The following VPS13D variants were observed in gnomAD, a reference collection of about 807,000 sequenced individuals.
VPS13D encodes intermembrane lipid transfer protein VPS13D.
VPS13D carries 187 observed loss-of-function variants against 461.9 expected under a neutral mutation model. The observed-to-expected ratio is 0.40, with a 90% CI of 0.36 to 0.46. The LOEUF is 0.46. Ranked by LOEUF, VPS13D falls within the 20% of genes least tolerant of loss-of-function variation. The probability of loss-of-function intolerance (pLI) is 0.60; values close to 1 mark genes in which losing one functional copy is unlikely to be tolerated. For missense variants in VPS13D, 4,711 were observed against 5,364.9 expected (o/e 0.88, Z 3.81); for synonymous variants, 1,951 against 1,986.3 (o/e 0.98, Z 0.47).
chr1:12,308,281 C>G, intron 26 of VPS13D, 150 bp from the exon 27 acceptor site: 2 of 809,234 alleles, frequency 2.5e-6, no homozygotes, highest in East Asian at 2.7e-5. Flanking sequence ...TCCTGGACAG[C>G]CAGTTTTCTG....
intron 60 of VPS13D, among the ~76,000 whole-genome samples, chr1:12,391,731 C>A (rs1236508841): frequency 6.6e-6 from 1 of 152,132 alleles, no homozygotes; most frequent in African/African-American, 2.4e-5. Context: ...TAAATAAAAT[C>A]TTTCATTTGG....
intron 33 of VPS13D, 58 bp downstream of exon 33, chr1:12,322,022 G>A (rs1643051869): frequency 6.3e-7 from 1 of 1,579,332 alleles, no homozygotes; most frequent in Non-Finnish European, 8.6e-7. Context: ...GTCCTATGCA[G>A]GCACTCTTAT....
At chr1:12,478,908 A>G (rs777851084) in intron 67 of VPS13D, 3 of 455,310 alleles carry the variant, frequency 6.6e-6, no homozygotes, top group South Asian at 3.1e-5. Context: ...TGCTCTTGTC[A>G]AGCTTGGGAT....
At chr1:12,463,721 C>CAA (rs202102086) in intron 67 of VPS13D, among the ~76,000 whole-genome samples, 4,626 of 152,246 alleles carry the variant, frequency 0.03, 96 homozygotes, top group Non-Finnish European at 0.048. Context: ...TGCCCCTGCA[C>CAA]TCCAGCCTGG....
At chr1:12,439,365 C>A (rs1645101782) in intron 65 of VPS13D, among the ~76,000 whole-genome samples, 1 of 152,124 alleles carries the variant, frequency 6.6e-6, no homozygotes, top group East Asian at 1.9e-4. Flanking sequence ...TCTATGGCCA[C>A]ATGGTTTTCA....
intron 61 of VPS13D, 44 bp from the exon 62 acceptor site, chr1:12,401,564 C>A: frequency 6.8e-7 from 1 of 1,471,450 alleles, no homozygotes; most frequent in Non-Finnish European, 9.5e-7. Flanking sequence ...GATGAATGTT[C>A]CTTCTGGTGT....
In VPS13D at chr1:12,283,016, G is replaced by A; in HGVS notation, c.4914G>A (p.Gly1638=). The A allele has an allele frequency of 6.2e-7, 1 of 1,613,834 alleles. No homozygotes were observed. The highest frequency in any genetic ancestry group is 8.5e-7 in the Non-Finnish European group (1 of 1,179,914). ...QVQLSGDLTL[G]AQGLVSLKFQ... ...AGCTAAGTGGAGATCTGACTTTGGG[G>A]GCCCAAGGTCTTGTGAGCTTAAAGT... The change falls in exon 21 of 70, where the codon GGG becomes GGA. Residue 1638 remains glycine, a synonymous_variant. Transcript: ENST00000620676.
At chr1:12,470,101 A>T (rs1231618408) in intron 67 of VPS13D, among the ~76,000 whole-genome samples, 1 of 152,212 alleles carries the variant, frequency 6.6e-6, no homozygotes, top group African/African-American at 2.4e-5. Flanking sequence ...TTCCTAGCAG[A>T]TTTCCCCAAA....
chr1:12,239,204 A>T (rs913802799), intron 2 of VPS13D, among the ~76,000 whole-genome samples: 3 of 151,944 alleles, frequency 2.0e-5, no homozygotes, highest in Non-Finnish European at 4.4e-5. Flanking sequence ...GGCACCATCA[A>T]GGTTCACTGC....
Position 12,356,495 on chromosome 1 carries a change from C to G in VPS13D, c.9969C>G (p.Phe3323Leu). The G allele has an allele frequency of 6.2e-7, 1 of 1,613,984 alleles. No homozygotes were observed. The highest frequency in any genetic ancestry group is 8.5e-7 in the Non-Finnish European group (1 of 1,179,954). The stretch of plus-strand genomic sequence containing the variant: ...CCCGTAGCCTGAGTCCTCTCTTATT[C>G]TGCTATGCTGACAAAGAGCAGCCAA... ...ELARSLSPLL[F>L]CYADKEQPNL... The change falls in exon 49 of 70, where the codon TTC (phenylalanine) becomes TTG (leucine). Residue 3323 changes from phenylalanine (F) to leucine (L), a missense_variant. Physicochemically the swap from Phe to Leu is conservative, Grantham distance 22. This residue lies in a region of VPS13D where 4,411 missense variants were observed against 4,937.8 expected (regional missense o/e 0.89). Transcript: ENST00000620676.
In VPS13D at chr1:12,278,029, A is replaced by G. The variant is rs1483568587; in HGVS notation, c.4441A>G (p.Arg1481Gly). 5 of 1,612,662 alleles carry G rather than the reference A, an allele frequency of 3.1e-6. No homozygotes were observed. The highest frequency in any genetic ancestry group is 1.1e-5 in the South Asian group (1 of 90,882). ...TRHDFFESLHRGQAFHILNNT... is the reference protein window; with the variant it reads ...TRHDFFESLHGGQAFHILNNT... The stretch of plus-strand genomic sequence containing the variant: ...ACATGATTTCTTTGAATCTTTGCAT[A>G]GAGGTCAAGGTGAGGAGCATCAGTC... The change falls in exon 19 of 70, where the codon AGA (arginine) becomes GGA (glycine). Residue 1481 changes from arginine (R) to glycine (G), a missense_variant. Transcript: ENST00000620676.
chr1:12,404,650 T>G (rs1644626848), intron 63 of VPS13D, among the ~76,000 whole-genome samples: 1 of 152,070 alleles, frequency 6.6e-6, no homozygotes, highest in African/African-American at 2.4e-5. Flanking sequence ...CTCTAAAGTC[T>G]ATTTTTTTTT....
intron 69 of VPS13D, among the ~76,000 whole-genome samples, 200 bp from the exon 70 acceptor site, chr1:12,508,691 CAA>C (rs35358579): frequency 5.0e-5 from 6 of 121,176 alleles, no homozygotes; most frequent in Non-Finnish European, 3.6e-5. Flanking sequence ...GACTCCGTCT[CAA>C]AAAAAAAAAA....
At chr1:12,454,007 CT>C (rs1427229246) in intron 65 of VPS13D, 1 of 152,182 alleles carries the variant, frequency 6.6e-6, no homozygotes, top group Non-Finnish European at 1.5e-5. Context: ...AATTCTAAAC[CT>C]TTGACAGGCT....
intron 65 of VPS13D, among the ~76,000 whole-genome samples, chr1:12,424,958 CAT>C (rs1157122717): frequency 2.0e-5 from 3 of 152,154 alleles, no homozygotes; most frequent in Non-Finnish European, 2.9e-5. Context: ...ATAAAGGAAT[CAT>C]GTGTTCAAGC....
At position 12,279,637 on chromosome 1, in the gene VPS13D, T is replaced by C; in HGVS notation, c.4589T>C (p.Val1530Ala). The C allele has an allele frequency of 6.2e-7, 1 of 1,611,198 alleles. No homozygotes were observed. The highest frequency in any genetic ancestry group is 8.5e-7 in the Non-Finnish European group (1 of 1,178,000). ...SSIMKIEGKF[V>A]NPVQVVLAKH... Reference sequence around the variant, plus strand: ...ATCATGAAGATTGAAGGAAAATTTGTCAATCCAGTTCAGGTAAATTCATGT... The same window carrying C: ...ATCATGAAGATTGAAGGAAAATTTGCCAATCCAGTTCAGGTAAATTCATGT... Residue 1530 changes from valine to alanine, a missense_variant, in exon 20 of 70, where the codon GTC becomes GCC. By Grantham distance (64) the Val-to-Ala change is moderately conservative. Transcript: ENST00000620676. This position sits in a 1 kb window ranked among gnomAD's most constrained non-coding sequence, Gnocchi z 4.3.
At chr1:12,306,231 C>T (rs1013541346) in intron 26 of VPS13D, among the ~76,000 whole-genome samples, 1 of 152,060 alleles carries the variant, frequency 6.6e-6, no homozygotes, top group African/African-American at 2.4e-5. Context: ...TGATCCGCCC[C>T]GATTTCACAG....
intron 37 of VPS13D, 146 bp downstream of exon 37, chr1:12,330,064 C>T (rs1643291542): frequency 1.5e-6 from 1 of 658,480 alleles, no homozygotes; most frequent in South Asian, 2.0e-5. Context: ...ACTGCATAAA[C>T]ACAGAAAATA....
chr1:12,271,005 C>T lies in VPS13D; in HGVS notation c.1984C>T (p.Gln662Ter). ...GKVHTSGFGYQSELELRVAEA... is the reference protein window; with the variant it reads ...GKVHTSGFGY The stretch of plus-strand genomic sequence containing the variant: ...TTCCAACCTTGCAGGTTTTGGTTAT[C>T]AGTCTGAACTTGAGCTGAGAGTGGC... The change falls in exon 17 of 70, where the codon CAG (glutamine) becomes TAG (stop). Residue 662 changes from glutamine to a stop codon, truncating the protein, a stop_gained. Coordinates refer to ENST00000620676, the MANE Select transcript of VPS13D (RefSeq NM_015378.4). LOFTEE classifies it high-confidence loss of function. 1 of 1,613,664 alleles carries T rather than the reference C, an allele frequency of 6.2e-7. No individual in the cohort carries two copies. The highest frequency in any genetic ancestry group is 8.5e-7 in the Non-Finnish European group (1 of 1,179,730).
Sources: gnomAD v4.1 joint callset for allele counts (sites outside exome capture counted in the v4.1 genomes callset) on GRCh38, gnomAD v4.1.1 for gene constraint, gnomAD v4.1.1 regional missense constraint, Gnocchi (gnomAD v3.1) non-coding constraint, MANE v1.5 for transcripts, NCBI Gene and HGNC (gene_info 2026-07-23, HGNC 2026-07-21) for gene names.